PDZD2: variants seen among roughly 807,000 people sequenced by gnomAD.
PDZD2 encodes PDZ domain containing 2.
A neutral mutation model predicts 220.7 loss-of-function variants in PDZD2; 90 were observed. The ratio of observed to expected loss-of-function variants is 0.41; its 90% CI spans 0.34 to 0.49. The LOEUF is 0.49. Ranked by LOEUF, PDZD2 falls within the 20% of genes least tolerant of loss-of-function variation. The pLI is 0.28. For synonymous variants in PDZD2, 1,375 were observed against 1,450.5 expected, an observed-to-expected ratio of 0.95 and a Z score of 1.18; for missense variants, 3,174 against 3,608.5, an observed-to-expected ratio of 0.88 and a Z score of 3.08.
chr5:31,915,371 G>A (rs1283613044), intron 2 of PDZD2, among the ~76,000 whole-genome samples: 2 of 152,136 alleles, frequency 1.3e-5, no homozygotes, highest in African/African-American at 4.8e-5. Flanking sequence ...TGTGCTAGGG[G>A]CTGTTCTCCA....
At chr5:31,743,845 T>G (rs1454775843) in intron 1 of PDZD2, 3 of 152,134 alleles carry the variant, frequency 2.0e-5, no homozygotes, top group African/African-American at 7.2e-5. Context: ...CAGGTATGCA[T>G]GATGTGTAGT....
At chr5:32,075,868 A>G (rs1484287324) in intron 18 of PDZD2, among the ~76,000 whole-genome samples, 1 of 152,146 alleles carries the variant, frequency 6.6e-6, no homozygotes, top group East Asian at 1.9e-4. Context: ...TCGTTTTTTT[A>G]ACCTTATTTT....
intron 2 of PDZD2, among the ~76,000 whole-genome samples, chr5:31,883,116 G>A (rs766239252): frequency 3.3e-5 from 5 of 151,212 alleles, no homozygotes; most frequent in African/African-American, 1.2e-4. Flanking sequence ...ATATTGTGAT[G>A]GGGAGAGACA....
rs531986784 is a variant in PDZD2 at position 31,943,370 on chromosome 5, C to G, written c.477-39785C>G. Among the ~76,000 whole-genome samples, 14 of 152,216 alleles carry G rather than the reference C, an allele frequency of 9.2e-5. No individual in the cohort carries two copies. In the South Asian group the frequency reaches 1.9e-3, roughly 20 times the overall value. Reference sequence around the variant, plus strand: ...AGGAGACAGAAGCCTGCCCTAGGCACTCTGGCAGAGCTGGGGGAACCGTTC... The same window carrying G: ...AGGAGACAGAAGCCTGCCCTAGGCAGTCTGGCAGAGCTGGGGGAACCGTTC... On this transcript the variant is annotated intron_variant, in intron 2 of 24. Coordinates refer to ENST00000438447, the MANE Select transcript of PDZD2 (RefSeq NM_178140.4).
At chr5:31,870,973 A>AAAATG (rs1180608358) in intron 2 of PDZD2, among the ~76,000 whole-genome samples, 1 of 152,204 alleles carries the variant, frequency 6.6e-6, no homozygotes, top group Non-Finnish European at 1.5e-5. Context: ...TGGAAAACTC[A>AAAATG]AAATGTAGCT....
intron 2 of PDZD2, among the ~76,000 whole-genome samples, chr5:31,957,942 G>T (rs1261861471): frequency 1.3e-5 from 2 of 152,072 alleles, no homozygotes. Flanking sequence ...GTCACAGCTG[G>T]AAATCTCTTT....
intron 19 of PDZD2, among the ~76,000 whole-genome samples, chr5:32,081,640 C>T (rs1230410648): frequency 1.3e-5 from 2 of 152,166 alleles, no homozygotes; most frequent in Non-Finnish European, 1.5e-5. Flanking sequence ...CTTGAGTGCT[C>T]GTAGCAGTTC....
chr5:31,814,661 A>G (rs1169069298), intron 2 of PDZD2, among the ~76,000 whole-genome samples: 1 of 150,614 alleles, frequency 6.6e-6, no homozygotes, highest in East Asian at 2.0e-4. Flanking sequence ...CGTCTCTACT[A>G]AAAAAAAACA....
intron 1 of PDZD2, among the ~76,000 whole-genome samples, chr5:31,745,303 G>C (rs1009779192): frequency 1.3e-5 from 2 of 152,132 alleles, no homozygotes; most frequent in Non-Finnish European, 2.9e-5. Context: ...TAAAAACACT[G>C]GTCACACCTC....
chr5:32,018,458 G>A (rs543698671), intron 6 of PDZD2, among the ~76,000 whole-genome samples: 18 of 152,328 alleles, frequency 1.2e-4, no homozygotes, highest in African/African-American at 4.1e-4. Flanking sequence ...TGTGGTGCTC[G>A]TGGGAAACTT....
At chr5:31,923,214 G>C (rs974329451) in intron 2 of PDZD2, among the ~76,000 whole-genome samples, 7 of 152,156 alleles carry the variant, frequency 4.6e-5, no homozygotes, top group Non-Finnish European at 1.0e-4. Context: ...AGTGAGCTGA[G>C]ATCGTGCCAT....
intron 2 of PDZD2, among the ~76,000 whole-genome samples, chr5:31,886,760 C>G (rs181486466): frequency 5.9e-5 from 9 of 151,328 alleles, no homozygotes; most frequent in South Asian, 2.1e-4. Flanking sequence ...TGCAGTGGTG[C>G]GATCTCGGCT....
At chr5:31,757,311 G>A (rs1350315062) in intron 1 of PDZD2, among the ~76,000 whole-genome samples, 2 of 152,068 alleles carry the variant, frequency 1.3e-5, no homozygotes, top group Non-Finnish European at 2.9e-5. Flanking sequence ...CAAATAAAAG[G>A]CCAGGCACGG....
chr5:32,032,665 T>C (rs1755219955), intron 6 of PDZD2, among the ~76,000 whole-genome samples: 1 of 152,158 alleles, frequency 6.6e-6, no homozygotes, highest in Non-Finnish European at 1.5e-5. Flanking sequence ...CTAAAAAAAA[T>C]TTTCCCTGTC....
intron 2 of PDZD2, among the ~76,000 whole-genome samples, chr5:31,903,824 C>T (rs915890577): frequency 3.3e-5 from 5 of 151,834 alleles, no homozygotes; most frequent in South Asian, 2.1e-4. Flanking sequence ...CCTGGGTTCA[C>T]GCAATTCTTC....
rs1240556643 is a variant in PDZD2 at position 31,639,205 on chromosome 5, G to C, written c.-593G>C. Among the ~76,000 whole-genome samples the C allele has an allele frequency of 6.6e-6, 1 of 151,780 alleles. No homozygotes were observed. The highest frequency in any genetic ancestry group is 1.5e-5 in the Non-Finnish European group (1 of 67,882). On this transcript the variant is annotated 5_prime_UTR_variant, in exon 1 of 25. Coordinates refer to ENST00000438447, the MANE Select transcript of PDZD2 (RefSeq NM_178140.4). The surrounding 1 kb of genome is among the most constrained non-coding windows in gnomAD (Gnocchi z 4.1). ...CCGGTGCGTGCCGGCCCCGGGCAGC[G>C]GGACGCGGCGGGGCGGCGGCTGCAG...
intron 1 of PDZD2, among the ~76,000 whole-genome samples, chr5:31,763,314 C>A (rs1375558349): frequency 6.6e-6 from 1 of 152,138 alleles, no homozygotes; most frequent in Non-Finnish European, 1.5e-5. Context: ...CCTAAGAAAA[C>A]CCTTTCCCCT....
At chr5:31,976,220 A>G (rs1581196895) in intron 2 of PDZD2, among the ~76,000 whole-genome samples, 1 of 152,132 alleles carries the variant, frequency 6.6e-6, no homozygotes, top group Admixed American at 6.6e-5. Context: ...TTTCTCAGCT[A>G]GGACTTCCCT....
intron 8 of PDZD2, among the ~76,000 whole-genome samples, chr5:32,049,534 G>C (rs900413126): frequency 1.3e-5 from 2 of 152,204 alleles, no homozygotes; most frequent in Non-Finnish European, 2.9e-5. Flanking sequence ...CTTACTTTTG[G>C]TGTGTTATGA....
Sources: gnomAD v4.1 joint callset for allele counts (sites outside exome capture counted in the v4.1 genomes callset) on GRCh38, gnomAD v4.1.1 for gene constraint, Gnocchi (gnomAD v3.1) non-coding constraint, MANE v1.5 for transcripts, NCBI Gene and HGNC (gene_info 2026-07-23, HGNC 2026-07-21) for gene names.